Variants in PAWR observed in about 807,000 individuals in gnomAD.
PAWR encodes the protein PRKC apoptosis WT1 regulator protein.
In PAWR, 23 loss-of-function variants were observed where a neutral mutation model predicts 32.0. The observed-to-expected ratio is 0.72, with a 90% CI of 0.52 to 1.02. The LOEUF (loss-of-function observed/expected upper bound fraction) is 1.02, where lower values mean the gene tolerates loss of function less well. PAWR is among the 50% of genes least tolerant of loss of function. The pLI is 0.00. For missense variants in PAWR, 457 were observed against 437.7 expected (o/e 1.04, Z -0.39); for synonymous variants, 226 against 187.1 (o/e 1.21, Z -1.70).
intron 2 of PAWR, chr12:79,632,188 T>C (rs1342931385): frequency 1.4e-5 from 2 of 144,682 alleles, no homozygotes; most frequent in Non-Finnish European, 3.0e-5. Context: ...AAAGAACTTA[T>C]ACTACTTGAT....
At chr12:79,679,351 A>T (rs1228475874) in intron 2 of PAWR, among the ~76,000 whole-genome samples, 1 of 152,186 alleles carries the variant, frequency 6.6e-6, no homozygotes, top group Admixed American at 6.5e-5. Context: ...ATGGAATGAA[A>T]GAAGCTGTCA....
rs1873359273 is a variant in PAWR at position 79,585,400 on chromosome 12, T to C, written c.*7207A>G. ...CTAACAGGTTTCTAAGTGAAGTCAATGCTACTGGTGTCAGAAACACACTTT... is the reference window on the plus strand; with the variant it reads ...CTAACAGGTTTCTAAGTGAAGTCAACGCTACTGGTGTCAGAAACACACTTT... On this transcript the variant is annotated 3_prime_UTR_variant, in exon 7 of 7. Transcript: ENST00000328827. 13 of 206,906 alleles carry C rather than the reference T, an allele frequency of 6.3e-5. 1 individual carries two copies. In the South Asian group the frequency reaches 8.7e-4, roughly 14 times the overall value. 12.8% of individuals were successfully genotyped at this position (206,906 alleles called of 1,614,324 possible).
chr12:79,675,937 A>G (rs968320326), intron 2 of PAWR, among the ~76,000 whole-genome samples: 1 of 152,172 alleles, frequency 6.6e-6, no homozygotes, highest in Non-Finnish European at 1.5e-5. Context: ...TGCTCAGGCT[A>G]GTATTTAAAA....
intron 2 of PAWR, among the ~76,000 whole-genome samples, chr12:79,646,117 T>C (rs1003385600): frequency 1.2e-4 from 19 of 152,270 alleles, no homozygotes; most frequent in Non-Finnish European, 2.4e-4. Context: ...TGATTGAGCA[T>C]CCCTAATCCA....
chr12:79,615,602 T>C lies in PAWR; in HGVS notation c.649-1993A>G, dbSNP rs1050225304. ...AAACTTTAAAGAGTTTCTTATCTGC[T>C]TGTCATTAAGCAGATATCCACGAAT... is the stretch of plus-strand genomic sequence containing the variant. On this transcript the variant is annotated intron_variant, in intron 3 of 6. Coordinates refer to ENST00000328827, the MANE Select transcript of PAWR (RefSeq NM_002583.4). 2.3e-4 allele frequency among the ~76,000 whole-genome samples: 35 copies of C among 152,064 alleles called. No homozygotes were observed. In the Middle Eastern group the frequency reaches 0.01, roughly 44 times the overall value.
At chr12:79,633,904 T>C (rs182180687) in intron 2 of PAWR, among the ~76,000 whole-genome samples, 2 of 152,244 alleles carry the variant, frequency 1.3e-5, no homozygotes, top group African/African-American at 4.8e-5. Flanking sequence ...TATTTAAAGA[T>C]GACATAACAT....
intron 4 of PAWR, 159 bp from the exon 5 acceptor site, chr12:79,596,817 C>A: frequency 1.9e-6 from 1 of 515,374 alleles, no homozygotes; most frequent in South Asian, 3.4e-5. Context: ...TATTCCCACA[C>A]AATGAAAAAA....
chr12:79,614,516 G>A (rs1187102253), intron 3 of PAWR, among the ~76,000 whole-genome samples: 1 of 152,084 alleles, frequency 6.6e-6, no homozygotes, highest in Non-Finnish European at 1.5e-5. Flanking sequence ...ATTAACCATT[G>A]GGGTAGAAAA....
At chr12:79,612,901 T>A (rs537729489) in intron 4 of PAWR, among the ~76,000 whole-genome samples, 1 of 152,316 alleles carries the variant, frequency 6.6e-6, no homozygotes, top group East Asian at 1.9e-4. Flanking sequence ...GTGTTACTCA[T>A]TGTGTACAGG....
intron 2 of PAWR, among the ~76,000 whole-genome samples, chr12:79,684,726 G>A (rs1878602116): frequency 6.6e-6 from 1 of 152,120 alleles, no homozygotes; most frequent in Non-Finnish European, 1.5e-5. Flanking sequence ...ATATTCATTT[G>A]TTCTCAAAAT....
chr12:79,603,517 A>C (rs1054341725), intron 4 of PAWR, among the ~76,000 whole-genome samples: 1 of 152,058 alleles, frequency 6.6e-6, no homozygotes, highest in African/African-American at 2.4e-5. Context: ...AGCTACAAAC[A>C]AACCATCCAG....
At chr12:79,651,008 C>G (rs915928131) in intron 2 of PAWR, among the ~76,000 whole-genome samples, 2 of 152,152 alleles carry the variant, frequency 1.3e-5, no homozygotes, top group Non-Finnish European at 2.9e-5. Context: ...AACAATTTTT[C>G]ATTGTATTAA....
chr12:79,680,274 C>G (rs8176810), intron 2 of PAWR, among the ~76,000 whole-genome samples: 2 of 152,280 alleles, frequency 1.3e-5, no homozygotes, highest in South Asian at 4.1e-4. Flanking sequence ...CTGCCAGTTA[C>G]GTCAGTTCAC....
At chr12:79,600,714 C>A (rs562535854) in intron 4 of PAWR, among the ~76,000 whole-genome samples, 1 of 140,576 alleles carries the variant, frequency 7.1e-6, no homozygotes, top group Non-Finnish European at 1.5e-5. Flanking sequence ...GTCTCAAACT[C>A]CTGGCTTCAA....
chr12:79,681,399 G>A (rs947164929), intron 2 of PAWR, among the ~76,000 whole-genome samples: 1 of 152,068 alleles, frequency 6.6e-6, no homozygotes, highest in Non-Finnish European at 1.5e-5. Context: ...GTTTGAGGCT[G>A]AGTCATCACA....
chr12:79,679,303 T>G (rs1878325299), intron 2 of PAWR, among the ~76,000 whole-genome samples: 1 of 152,074 alleles, frequency 6.6e-6, no homozygotes, highest in Non-Finnish European at 1.5e-5. Context: ...CTGCAGCATA[T>G]GAGAGGAGTG....
At chr12:79,628,653 G>A (rs575871596) in intron 2 of PAWR, among the ~76,000 whole-genome samples, 91 of 151,824 alleles carry the variant, frequency 6.0e-4, no homozygotes, top group South Asian at 1.2e-3. Flanking sequence ...GTTAAATGAA[G>A]TTTCTCTGTA....
At chr12:79,631,883 T>C (rs990198780) in intron 2 of PAWR, among the ~76,000 whole-genome samples, 6 of 152,004 alleles carry the variant, frequency 3.9e-5, no homozygotes, top group Admixed American at 3.3e-4. Flanking sequence ...CCTGTAATCC[T>C]AGCACTTTGG....
rs755338732 is a variant in PAWR, at chr12:79,596,670, T to C, written c.684-12A>G. On this transcript the variant is annotated splice_polypyrimidine_tract_variant and intron_variant, in intron 4 of 6. Transcript: ENST00000328827. The stretch of plus-strand genomic sequence containing the variant: ...AGACACTGGTTGTGCTGTGGAAATA[T>C]AAACATTTTATTAAAATCCCTAGTA... 1.3e-6 allele frequency: 2 copies of C among 1,539,516 alleles called. No homozygotes were observed. The highest frequency in any genetic ancestry group is 2.5e-5 in the South Asian group (2 of 80,634).
Sources: allele counts gnomAD v4.1 joint callset (sites outside exome capture counted in the v4.1 genomes callset), GRCh38; gene constraint gnomAD v4.1.1; transcripts MANE v1.5; gene names NCBI Gene and HGNC (gene_info 2026-07-23, HGNC 2026-07-21).